The following BTLA variants were observed in gnomAD, a reference collection of about 807,000 sequenced individuals.
The protein encoded by BTLA is B- and T-lymphocyte attenuator.
Under a neutral mutation model 25.0 loss-of-function variants are expected in BTLA, and 11 were observed. That is an observed-to-expected ratio of 0.44 (90% CI 0.28 to 0.73). The LOEUF is 0.73. BTLA is among the 30% of genes least tolerant of loss of function. The pLI, the probability that BTLA is intolerant of heterozygous loss-of-function variation, is 0.15. For synonymous variants in BTLA, 104 were observed against 119.8 expected, an observed-to-expected ratio of 0.87 and a Z score of 0.86; for missense variants, 282 against 332.8, an observed-to-expected ratio of 0.85 and a Z score of 1.19.
intron 4 of BTLA, 118 bp downstream of exon 4, chr3:112,469,640 T>TATATAC (rs1386150273): frequency 5.4e-6 from 1 of 186,284 alleles, no homozygotes; most frequent in African/African-American, 3.0e-5. Context: ...TATATATATA[T>TATATAC]ATATATATAG....
chr3:112,492,989 A>G (rs1422791657), intron 1 of BTLA, among the ~76,000 whole-genome samples: 2 of 152,194 alleles, frequency 1.3e-5, no homozygotes, highest in Admixed American at 6.5e-5. Context: ...AAATTGTATG[A>G]CACCTCTGCA....
intron 2 of BTLA, among the ~76,000 whole-genome samples, chr3:112,476,311 T>C (rs1022785721): frequency 2.6e-5 from 4 of 152,248 alleles, no homozygotes; most frequent in Non-Finnish European, 5.9e-5. Flanking sequence ...CTATGCATTT[T>C]TTCATGGTGC....
At chr3:112,489,528 A>G (rs2082368411) in intron 1 of BTLA, among the ~76,000 whole-genome samples, 1 of 152,246 alleles carries the variant, frequency 6.6e-6, no homozygotes, top group Non-Finnish European at 1.5e-5. Flanking sequence ...AGTGGTTGCA[A>G]CCATTCAAAT....
At chr3:112,481,079 T>C (rs1004917896) in intron 1 of BTLA, among the ~76,000 whole-genome samples, 2 of 151,780 alleles carry the variant, frequency 1.3e-5, no homozygotes, top group African/African-American at 4.8e-5. Context: ...TAGGCAAAAA[T>C]GAGAAAGTAA....
chr3:112,497,595 A>G (rs2082416261), intron 1 of BTLA, among the ~76,000 whole-genome samples: 2 of 152,178 alleles, frequency 1.3e-5, no homozygotes, highest in Non-Finnish European at 1.5e-5. Context: ...AGTTGTAGCT[A>G]TGTGACTGTA....
chr3:112,486,009 C>CA (rs1559828624), intron 1 of BTLA, among the ~76,000 whole-genome samples: 3 of 152,114 alleles, frequency 2.0e-5, no homozygotes, highest in Non-Finnish European at 4.4e-5. Context: ...CCCAGCTGCT[C>CA]GGCAGACTGA....
intron 1 of BTLA, among the ~76,000 whole-genome samples, chr3:112,498,821 G>A (rs1322804118): frequency 6.6e-6 from 1 of 151,806 alleles, no homozygotes; most frequent in Non-Finnish European, 1.5e-5. Context: ...TATTATTTGA[G>A]GGTAACCATG....
chr3:112,496,302 G>A (rs1284403489), intron 1 of BTLA, among the ~76,000 whole-genome samples: 2 of 152,178 alleles, frequency 1.3e-5, no homozygotes, highest in Non-Finnish European at 2.9e-5. Flanking sequence ...TATCAGGACA[G>A]AAACTGTATG....
At chr3:112,479,855 T>A in intron 1 of BTLA, 86 bp from the exon 2 acceptor site, 1 of 1,202,066 alleles carries the variant, frequency 8.3e-7, no homozygotes, top group Non-Finnish European at 1.1e-6. Flanking sequence ...CAAGCATTAT[T>A]TGGTAATTTT....
At chr3:112,477,894 A>G (rs1468574466) in intron 2 of BTLA, among the ~76,000 whole-genome samples, 1 of 151,988 alleles carries the variant, frequency 6.6e-6, no homozygotes, top group African/African-American at 2.4e-5. Flanking sequence ...TCCCCACTGA[A>G]TAATCTTGGT....
At chr3:112,487,522 T>A (rs1308335947) in intron 1 of BTLA, among the ~76,000 whole-genome samples, 1 of 151,166 alleles carries the variant, frequency 6.6e-6, no homozygotes, top group Admixed American at 6.6e-5. Context: ...GAGGCGGAGG[T>A]TGCGGTGAGC....
At chr3:112,486,939 G>C (rs977470239) in intron 1 of BTLA, among the ~76,000 whole-genome samples, 9 of 152,138 alleles carry the variant, frequency 5.9e-5, no homozygotes, top group Admixed American at 5.9e-4. Flanking sequence ...ATTTAAAATT[G>C]AATGTTGAAA....
chr3:112,472,696 C>CA lies in BTLA; in HGVS notation c.404-1342dup, dbSNP rs562525215. Reference sequence around the variant, plus strand: ...TGACAGAGTAAGACTCCATCTCAAACAAAAAAAAAATTCTATTAATTATAT... The same window carrying CA: ...TGACAGAGTAAGACTCCATCTCAAACAAAAAAAAAAATTCTATTAATTATAT... On this transcript the variant is annotated intron_variant, in intron 2 of 4. Coordinates refer to ENST00000334529, the MANE Select transcript of BTLA (RefSeq NM_181780.4). Among the ~76,000 whole-genome samples the CA allele has an allele frequency of 4.0e-3, 594 of 147,288 alleles. 4 individuals carry two copies. Among genetic ancestry groups the CA allele is most frequent in the African/African-American group, 0.013 (537 of 40,158 alleles).
intron 3 of BTLA, among the ~76,000 whole-genome samples, chr3:112,470,998 C>T (rs867436746): frequency 1.3e-5 from 2 of 152,190 alleles, no homozygotes; most frequent in South Asian, 2.1e-4. Context: ...GAATACTGTG[C>T]GTGGTGAGCA....
chr3:112,471,901 C>T (rs1206910985), intron 2 of BTLA, among the ~76,000 whole-genome samples: 3 of 152,168 alleles, frequency 2.0e-5, no homozygotes, highest in African/African-American at 4.8e-5. Flanking sequence ...ACAGCTAATG[C>T]GCATTACTAT....
Position 112,464,297 on chromosome 3 carries a change from T to C in BTLA, c.*1811A>G, listed in dbSNP as rs2082213103. 1.3e-5 allele frequency: 5 copies of C among 394,098 alleles called. No individual in the cohort carries two copies. Among genetic ancestry groups the C allele is most frequent in the Non-Finnish European group, 2.2e-5 (5 of 223,322 alleles). The allele number at this position is 394,098 out of a possible 1,614,324, so 24.4% of individuals were successfully genotyped here. The stretch of plus-strand genomic sequence containing the variant: ...GGATATTTTAAATAAGACAGAAATA[T>C]TTTGCTTTTAAGTTTGAGAGAATCA... On this transcript the variant is annotated 3_prime_UTR_variant, in exon 5 of 5. Transcript: ENST00000334529.
At chr3:112,489,751 C>T (rs555554338) in intron 1 of BTLA, among the ~76,000 whole-genome samples, 10 of 152,208 alleles carry the variant, frequency 6.6e-5, no homozygotes, top group South Asian at 2.1e-4. Context: ...AAACTTCAGA[C>T]GCATGCTGGG....
intron 1 of BTLA, among the ~76,000 whole-genome samples, chr3:112,485,471 T>A (rs188513782): frequency 2.0e-5 from 3 of 152,380 alleles, no homozygotes; most frequent in Non-Finnish European, 2.9e-5. Flanking sequence ...AAAGTTTGTC[T>A]TATCAAATAA....
chr3:112,493,638 C>T (rs2082392383), intron 1 of BTLA, among the ~76,000 whole-genome samples: 3 of 152,126 alleles, frequency 2.0e-5, no homozygotes, highest in Non-Finnish European at 1.5e-5. Context: ...AGTAGCTGGT[C>T]TTACAGGCGT....
Sources: allele counts gnomAD v4.1 joint callset (sites outside exome capture counted in the v4.1 genomes callset), GRCh38; gene constraint gnomAD v4.1.1; transcripts MANE v1.5; gene names NCBI Gene and HGNC (gene_info 2026-07-23, HGNC 2026-07-21).